HCRTR2: variants seen among roughly 807,000 people sequenced by gnomAD.
HCRTR2 encodes orexin receptor type 2.
A neutral mutation model predicts 49.0 loss-of-function variants in HCRTR2; 22 were observed. The observed-to-expected ratio is 0.45, with a 90% CI of 0.32 to 0.64. The LOEUF (loss-of-function observed/expected upper bound fraction) is 0.64, where lower values mean the gene tolerates loss of function less well. Among genes scored for constraint, HCRTR2 ranks in the 30% least tolerant of loss-of-function variants. HCRTR2 has a pLI of 0.04. For synonymous variants in HCRTR2, 236 were observed against 205.3 expected (o/e 1.15, Z -1.28); for missense variants, 491 against 559.4 (o/e 0.88, Z 1.23).
At chr6:55,163,274 A>G (rs1213178383) in intron 1 of HCRTR2, among the ~76,000 whole-genome samples, 1 of 151,696 alleles carries the variant, frequency 6.6e-6, no homozygotes, top group Admixed American at 6.6e-5. Flanking sequence ...AAAAAAAACT[A>G]CCTTAAATTT....
At chr6:55,222,828 T>C (rs1027954381) in intron 1 of HCRTR2, among the ~76,000 whole-genome samples, 1 of 152,128 alleles carries the variant, frequency 6.6e-6, no homozygotes, top group Non-Finnish European at 1.5e-5. Context: ...GTTTAAAGCA[T>C]GCAAGATGAA....
intron 1 of HCRTR2, among the ~76,000 whole-genome samples, chr6:55,191,787 A>G (rs1476103763): frequency 6.6e-6 from 1 of 152,062 alleles, no homozygotes; most frequent in South Asian, 2.1e-4. Context: ...TTTTTTTCAC[A>G]GAAATATCCT....
intron 1 of HCRTR2, among the ~76,000 whole-genome samples, chr6:55,159,206 G>A (rs1764771714): frequency 1.3e-5 from 2 of 152,068 alleles, no homozygotes; most frequent in South Asian, 4.1e-4. Flanking sequence ...CAGACCTTCA[G>A]CAGACGGGCC....
intron 1 of HCRTR2, among the ~76,000 whole-genome samples, chr6:55,214,177 C>T (rs778358941): frequency 1.5e-4 from 23 of 152,086 alleles, no homozygotes; most frequent in Non-Finnish European, 3.1e-4. Context: ...ATGAGCAATT[C>T]ATTCTAATTG....
At chr6:55,179,008 A>G (rs910077638) in intron 1 of HCRTR2, among the ~76,000 whole-genome samples, 2 of 152,214 alleles carry the variant, frequency 1.3e-5, no homozygotes, top group African/African-American at 4.8e-5. Flanking sequence ...AAGTATTCAT[A>G]GTTAAAATAA....
intron 1 of HCRTR2, among the ~76,000 whole-genome samples, chr6:55,193,187 A>G (rs931596382): frequency 6.6e-6 from 1 of 152,222 alleles, no homozygotes; most frequent in Non-Finnish European, 1.5e-5. Context: ...GATAAAAAAG[A>G]TATTATCATT....
At chr6:55,283,969 T>C (rs1163709412), downstream of HCRTR2, among the ~76,000 whole-genome samples, 1 of 152,174 alleles carries the variant, frequency 6.6e-6, no homozygotes, top group Non-Finnish European at 1.5e-5. Context: ...ATATCAGCAC[T>C]ATATCAGTGA....
At chr6:55,116,803 G>C (rs1380180711) in intron 1 of HCRTR2, among the ~76,000 whole-genome samples, 1 of 151,226 alleles carries the variant, frequency 6.6e-6, no homozygotes, top group East Asian at 1.9e-4. Context: ...ACAGTCTAAT[G>C]ATGAGCTCCA....
intron 1 of HCRTR2, among the ~76,000 whole-genome samples, chr6:55,123,380 T>C (rs899647194): frequency 6.6e-6 from 1 of 152,142 alleles, no homozygotes; most frequent in Non-Finnish European, 1.5e-5. Context: ...TCTTTTGAGA[T>C]AATCATGTGG....
At chr6:55,165,222 G>GGAGAGA (rs35805278) in intron 1 of HCRTR2, among the ~76,000 whole-genome samples, 3 of 150,614 alleles carry the variant, frequency 2.0e-5, no homozygotes, top group East Asian at 4.0e-4. Flanking sequence ...TAAAAAGGAA[G>GGAGAGA]GAGAGAGAGA....
At chr6:55,138,202 T>C (rs1444693745) in intron 1 of HCRTR2, among the ~76,000 whole-genome samples, 1 of 151,710 alleles carries the variant, frequency 6.6e-6, no homozygotes, top group Non-Finnish European at 1.5e-5. Context: ...GATGAAAAGA[T>C]AGAATAGTTA....
chr6:55,236,330 A>G (rs62416797), intron 1 of HCRTR2, among the ~76,000 whole-genome samples: 27,521 of 151,890 alleles, frequency 0.18, 2,864 homozygotes, highest in Non-Finnish European at 0.24. Context: ...TTGCATATAT[A>G]CATTATATTT....
At position 55,282,431 on chromosome 6, in the gene HCRTR2, G is replaced by A; in HGVS notation, c.1312G>A (p.Ala438Thr). The A allele has an allele frequency of 6.3e-7, 1 of 1,596,326 alleles. No homozygotes were observed. The highest frequency in any genetic ancestry group is 2.2e-5 in the East Asian group (1 of 44,664). Residue 438 changes from alanine to threonine, a missense_variant, in exon 7 of 7, where the codon GCA (alanine) becomes ACA (threonine). Physicochemically the swap from Ala to Thr is moderately conservative, Grantham distance 58. Transcript: ENST00000370862. ...SISTLPAANG[A>T]GPLQNW ...AAGCACACTCCCAGCAGCCAATGGA[G>A]CAGGACCACTTCAAAACTGGTAGAA...
At chr6:55,166,451 C>G (rs1235842681) in intron 1 of HCRTR2, among the ~76,000 whole-genome samples, 1 of 151,662 alleles carries the variant, frequency 6.6e-6, no homozygotes, top group East Asian at 1.9e-4. Flanking sequence ...TAAAGCCATC[C>G]AGTTCTGGGC....
chr6:55,216,866 C>G (rs9475200), intron 1 of HCRTR2, among the ~76,000 whole-genome samples: 27,279 of 152,018 alleles, frequency 0.18, 2,632 homozygotes, highest in Admixed American at 0.27. Flanking sequence ...ATGGCTCTGT[C>G]CCTGTGACAA....
intron 1 of HCRTR2, among the ~76,000 whole-genome samples, chr6:55,201,664 A>T (rs1363079863): frequency 6.6e-6 from 1 of 152,188 alleles, no homozygotes; most frequent in Non-Finnish European, 1.5e-5. Context: ...ACTAATTTTC[A>T]TGAGTGTAAA....
At chr6:55,192,247 G>A (rs758903245) in intron 1 of HCRTR2, among the ~76,000 whole-genome samples, 1 of 151,930 alleles carries the variant, frequency 6.6e-6, no homozygotes, top group Non-Finnish European at 1.5e-5. Context: ...GATCTGCCTT[G>A]GCTTTTGCTA....
At chr6:55,215,875 C>T (rs1384730475) in intron 1 of HCRTR2, among the ~76,000 whole-genome samples, 1 of 152,156 alleles carries the variant, frequency 6.6e-6, no homozygotes, top group South Asian at 2.1e-4. Context: ...TTTGCTATAA[C>T]TAAACATCTG....
intron 1 of HCRTR2, among the ~76,000 whole-genome samples, chr6:55,169,130 T>C (rs920610817): frequency 6.6e-6 from 1 of 151,830 alleles, no homozygotes; most frequent in East Asian, 1.9e-4. Flanking sequence ...CCAAAATTAT[T>C]TGCCGGCTAC....
Sources: gnomAD v4.1 joint callset for allele counts (sites outside exome capture counted in the v4.1 genomes callset) on GRCh38, gnomAD v4.1.1 for gene constraint, MANE v1.5 for transcripts, NCBI Gene and HGNC (gene_info 2026-07-23, HGNC 2026-07-21) for gene names.